The following CNTN4 variants were observed in gnomAD, a reference collection of about 807,000 sequenced individuals.
The protein encoded by CNTN4 is contactin-4.
A neutral mutation model predicts 122.5 loss-of-function variants in CNTN4; 77 were observed. The ratio of observed to expected loss-of-function variants is 0.63; its 90% CI spans 0.52 to 0.76. CNTN4 has a LOEUF of 0.76. Ranked by LOEUF, CNTN4 falls within the 30% of genes least tolerant of loss-of-function variation. The probability of loss-of-function intolerance (pLI) is 0.00; values close to 1 mark genes in which losing one functional copy is unlikely to be tolerated. For synonymous variants in CNTN4, 512 were observed against 447.0 expected (o/e 1.15, Z -1.83); for missense variants, 1,256 against 1,259.1 (o/e 1.00, Z 0.04).
chr3:2,590,397 C>T (rs758217810), intron 4 of CNTN4, among the ~76,000 whole-genome samples: 7 of 152,126 alleles, frequency 4.6e-5, no homozygotes, highest in Admixed American at 2.0e-4. Context: ...GCTGGGATTA[C>T]AGACACATGC....
Position 2,747,314 on chromosome 3 carries a change from C to G in CNTN4, c.358+1617C>G, listed in dbSNP as rs370023143. 1.0e-4 allele frequency among the ~76,000 whole-genome samples: 15 copies of G among 150,236 alleles called. No homozygotes were observed. The South Asian group carries it at 2.9e-3, about 29-fold the overall frequency. ...GTCCCAGCTGCTCGGGAGGCTGAGG[C>G]AGGAGAATGGCGGGAACCCGGGAGG... On this transcript the variant is annotated intron_variant, in intron 6 of 24. Coordinates refer to ENST00000418658, the MANE Select transcript of CNTN4 (RefSeq NM_175607.3).
intron 6 of CNTN4, among the ~76,000 whole-genome samples, chr3:2,769,812 C>CG (rs2091010000): frequency 6.6e-6 from 1 of 152,116 alleles, no homozygotes; most frequent in Admixed American, 6.5e-5. Context: ...AAATCATCAG[C>CG]GGAGCCAAGG....
At chr3:2,829,795 C>A (rs925805387) in intron 7 of CNTN4, among the ~76,000 whole-genome samples, 140 of 152,276 alleles carry the variant, frequency 9.2e-4, no homozygotes, top group African/African-American at 3.2e-3. Flanking sequence ...CTTTTTATAG[C>A]TGAGCTTCCA....
chr3:2,879,459 G>A (rs931117446), intron 8 of CNTN4, among the ~76,000 whole-genome samples: 2 of 152,280 alleles, frequency 1.3e-5, no homozygotes, highest in East Asian at 1.9e-4. Context: ...TACAACCAGC[G>A]AATGGAGAAG....
At chr3:2,613,491 T>C (rs1390323036) in intron 4 of CNTN4, among the ~76,000 whole-genome samples, 2 of 152,126 alleles carry the variant, frequency 1.3e-5, no homozygotes, top group Non-Finnish European at 2.9e-5. Context: ...TGCTGCAACA[T>C]ATTTGTTCAT....
chr3:2,201,881 A>C (rs941748488), intron 2 of CNTN4, among the ~76,000 whole-genome samples: 1 of 152,298 alleles, frequency 6.6e-6, no homozygotes, highest in Admixed American at 6.5e-5. Context: ...AACTGACATA[A>C]TGCATGATTT....
At chr3:2,507,734 CAAA>C (rs34779120) in intron 3 of CNTN4, among the ~76,000 whole-genome samples, 18 of 108,766 alleles carry the variant, frequency 1.7e-4, no homozygotes, top group East Asian at 2.8e-4. Context: ...GACTTTGTCT[CAAA>C]AAAAAAAAAA....
chr3:3,026,842 C>T (rs564273543), intron 15 of CNTN4, among the ~76,000 whole-genome samples: 3 of 152,062 alleles, frequency 2.0e-5, no homozygotes, highest in Admixed American at 6.6e-5. Flanking sequence ...CTTTCCATAA[C>T]GGTATATTAT....
chr3:2,145,039 A>G (rs1262486727), intron 2 of CNTN4, among the ~76,000 whole-genome samples: 3 of 152,210 alleles, frequency 2.0e-5, no homozygotes, highest in Non-Finnish European at 4.4e-5. Flanking sequence ...TCAACAGAGT[A>G]GATGTTCAGG....
intron 3 of CNTN4, among the ~76,000 whole-genome samples, chr3:2,349,479 A>G (rs2044526994): frequency 6.6e-6 from 1 of 152,158 alleles, no homozygotes; most frequent in African/African-American, 2.4e-5. Flanking sequence ...CCTTTAGAGT[A>G]TCCTCTTTAA....
chr3:2,429,122 C>G (rs769234506), intron 3 of CNTN4, among the ~76,000 whole-genome samples: 20 of 152,146 alleles, frequency 1.3e-4, no homozygotes, highest in Non-Finnish European at 2.4e-4. Context: ...CCATTGCTGG[C>G]GAGGAGCTGC....
At chr3:2,380,399 T>C (rs2045973459) in intron 3 of CNTN4, among the ~76,000 whole-genome samples, 1 of 152,086 alleles carries the variant, frequency 6.6e-6, no homozygotes, top group Non-Finnish European at 1.5e-5. Context: ...TGTTGTAGAT[T>C]GGAAAGAGGA....
chr3:2,347,122 A>G (rs906234887), intron 3 of CNTN4, among the ~76,000 whole-genome samples: 5 of 134,322 alleles, frequency 3.7e-5, no homozygotes, highest in Non-Finnish European at 8.2e-5. Flanking sequence ...TTGTATCATC[A>G]GGATGGCTAG....
rs139104251 is a variant in CNTN4, at chr3:2,815,418, A to C, written c.359-4068A>C. 2.1e-3 allele frequency among the ~76,000 whole-genome samples: 314 copies of C among 152,334 alleles called. 1 individual carries two copies. Among genetic ancestry groups the C allele is most frequent in the African/African-American group, 7.3e-3 (303 of 41,570 alleles). On this transcript the variant is annotated intron_variant, in intron 6 of 24. Transcript: ENST00000418658. ...GAAAAAAATCAAACAGTCCCATCAA[A>C]AAAGTGGACTAAGGACATGAATAGA...
At chr3:2,150,659 A>G (rs2035457278) in intron 2 of CNTN4, among the ~76,000 whole-genome samples, 1 of 152,210 alleles carries the variant, frequency 6.6e-6, no homozygotes, top group Admixed American at 6.5e-5. Context: ...TGAGGAAATT[A>G]GTCAACCTAA....
chr3:2,669,076 G>C (rs2084342761), intron 4 of CNTN4, among the ~76,000 whole-genome samples: 1 of 152,088 alleles, frequency 6.6e-6, no homozygotes, highest in African/African-American at 2.4e-5. Flanking sequence ...TCTCTGCCAG[G>C]CTTTGGTATC....
intron 4 of CNTN4, among the ~76,000 whole-genome samples, chr3:2,688,988 A>G (rs955196530): frequency 3.3e-5 from 5 of 152,184 alleles, no homozygotes; most frequent in African/African-American, 9.6e-5. Flanking sequence ...CAGAGGTCTA[A>G]TGTAGCACCA....
chr3:2,819,723 G>GTGAA (rs2092820510), intron 7 of CNTN4, 142 bp downstream of exon 7: 1 of 723,266 alleles, frequency 1.4e-6, no homozygotes, highest in African/African-American at 1.7e-5. Flanking sequence ...AAAAACCACG[G>GTGAA]TGAATGCCTC....
chr3:2,271,777 C>T (rs1269193469), intron 2 of CNTN4, among the ~76,000 whole-genome samples: 1 of 152,138 alleles, frequency 6.6e-6, no homozygotes, highest in African/African-American at 2.4e-5. Context: ...AGGCAACTAT[C>T]TCTGACTTGA....
Sources: gnomAD v4.1 joint callset for allele counts (sites outside exome capture counted in the v4.1 genomes callset) on GRCh38, gnomAD v4.1.1 for gene constraint, MANE v1.5 for transcripts, NCBI Gene and HGNC (gene_info 2026-07-23, HGNC 2026-07-21) for gene names.